The following MGAT4C variants were observed in gnomAD, a reference collection of about 807,000 sequenced individuals.
The protein encoded by MGAT4C is alpha-1,3-mannosyl-glycoprotein 4-beta-N-acetylglucosaminyltransferase C.
A neutral mutation model predicts 40.1 loss-of-function variants in MGAT4C; 19 were observed. The ratio of observed to expected loss-of-function variants is 0.47; its 90% CI spans 0.33 to 0.70. The LOEUF (loss-of-function observed/expected upper bound fraction) is 0.70. MGAT4C is among the 30% of genes least tolerant of loss of function. MGAT4C has a pLI of 0.02. For missense variants in MGAT4C, 491 were observed against 563.2 expected (o/e 0.87, Z 1.30); for synonymous variants, 181 against 187.1 (o/e 0.97, Z 0.27).
chr12:86,630,360 C>T (rs2195230), intron 2 of MGAT4C, among the ~76,000 whole-genome samples: 145,441 of 152,232 alleles, frequency 0.96, 69,720 homozygotes, highest in Non-Finnish European at 1. Flanking sequence ...CTGAAACTAT[C>T]CCAATCAACA....
chr12:86,414,090 T>C (rs1046002231), intron 3 of MGAT4C, among the ~76,000 whole-genome samples: 3 of 151,758 alleles, frequency 2.0e-5, no homozygotes, highest in African/African-American at 4.8e-5. Context: ...TGCAAGTACA[T>C]GAAAAGCAAC....
At chr12:86,764,546 C>T (rs949002691) in intron 1 of MGAT4C, among the ~76,000 whole-genome samples, 1,432 of 64,798 alleles carry the variant, frequency 0.022, 30 homozygotes, top group African/African-American at 0.071. Flanking sequence ...GATCTGAGAA[C>T]GGGCAGACTG....
intron 1 of MGAT4C, among the ~76,000 whole-genome samples, chr12:86,783,760 A>T (rs537739099): frequency 2.0e-5 from 3 of 152,128 alleles, no homozygotes; most frequent in African/African-American, 7.2e-5. Flanking sequence ...TGTGAAAAAA[A>T]TTTTTGGTAC....
At chr12:86,391,734 C>A (rs937459676) in intron 3 of MGAT4C, among the ~76,000 whole-genome samples, 1 of 152,054 alleles carries the variant, frequency 6.6e-6, no homozygotes, top group African/African-American at 2.4e-5. Context: ...GTGGCGGGTG[C>A]CTGTAGTCCC....
At chr12:86,099,341 G>C (rs1286980758) in intron 1 of MGAT4C, among the ~76,000 whole-genome samples, 1 of 150,976 alleles carries the variant, frequency 6.6e-6, no homozygotes, top group Admixed American at 6.6e-5. Flanking sequence ...TGGATTCCAT[G>C]GTTATTTTTA....
chr12:86,525,411 A>G (rs1398491070), intron 2 of MGAT4C, among the ~76,000 whole-genome samples: 2 of 152,164 alleles, frequency 1.3e-5, no homozygotes, highest in Non-Finnish European at 2.9e-5. Flanking sequence ...GTCTCAGGTC[A>G]TTCTTTATAG....
intron 3 of MGAT4C, among the ~76,000 whole-genome samples, chr12:86,343,138 T>C (rs1045648401): frequency 6.6e-6 from 1 of 152,100 alleles, no homozygotes; most frequent in African/African-American, 2.4e-5. Context: ...GCTACTTCAG[T>C]TCCAGGTAAA....
At chr12:86,569,044 G>A (rs1226006012) in intron 2 of MGAT4C, among the ~76,000 whole-genome samples, 4 of 151,862 alleles carry the variant, frequency 2.6e-5, no homozygotes, top group East Asian at 1.9e-4. Context: ...AATGGGCGGG[G>A]GGAATAAAAC....
chr12:86,179,313 T>G (rs1887854603), intron 1 of MGAT4C, among the ~76,000 whole-genome samples: 1 of 152,200 alleles, frequency 6.6e-6, no homozygotes, highest in Non-Finnish European at 1.5e-5. Context: ...AAACTTCTTT[T>G]GGTTCCCAGT....
At chr12:86,588,505 G>C (rs1961169174) in intron 2 of MGAT4C, among the ~76,000 whole-genome samples, 1 of 151,960 alleles carries the variant, frequency 6.6e-6, no homozygotes, top group Non-Finnish European at 1.5e-5. Flanking sequence ...AAGACAGAAA[G>C]TTAACAAGGA....
chr12:86,773,776 T>C (rs894414197), intron 1 of MGAT4C, among the ~76,000 whole-genome samples: 3 of 151,878 alleles, frequency 2.0e-5, no homozygotes, highest in South Asian at 2.1e-4. Context: ...AGCTCTTTCA[T>C]GGAAAGGATT....
intron 1 of MGAT4C, among the ~76,000 whole-genome samples, chr12:86,741,515 G>A (rs542425173): frequency 6.6e-6 from 1 of 151,296 alleles, no homozygotes; most frequent in African/African-American, 2.4e-5. Context: ...GAAAACCAAC[G>A]TGTTTTGTTT....
At chr12:86,838,792 A>G (rs1953092074) in exon 1 of MGAT4C, 1 of 152,226 alleles carries the variant, frequency 6.6e-6, no homozygotes, top group African/African-American at 2.4e-5. Flanking sequence ...CCAGAAGAAA[A>G]TCAGCACAAT....
At chr12:86,594,840 A>G (rs1339486177) in intron 2 of MGAT4C, among the ~76,000 whole-genome samples, 2 of 152,136 alleles carry the variant, frequency 1.3e-5, no homozygotes, top group African/African-American at 2.4e-5. Flanking sequence ...GCTTCCTGCA[A>G]TTACCTAAAG....
At chr12:86,336,851 G>A (rs997998385) in intron 3 of MGAT4C, among the ~76,000 whole-genome samples, 4 of 152,088 alleles carry the variant, frequency 2.6e-5, no homozygotes, top group African/African-American at 4.8e-5. Flanking sequence ...ATTTGTATGC[G>A]AGTTCACTTT....
At chr12:86,044,986 C>CA (rs1290516294) in intron 2 of MGAT4C, among the ~76,000 whole-genome samples, 1 of 152,090 alleles carries the variant, frequency 6.6e-6, no homozygotes, top group African/African-American at 2.4e-5. Context: ...CAATCCACCC[C>CA]TTCCCCAAGA....
chr12:86,471,176 A>G (rs538336596), intron 2 of MGAT4C, among the ~76,000 whole-genome samples: 2 of 152,222 alleles, frequency 1.3e-5, no homozygotes, highest in Non-Finnish European at 2.9e-5. Context: ...ACCTTCAGGA[A>G]TAAAGAAAGA....
intron 2 of MGAT4C, among the ~76,000 whole-genome samples, chr12:86,630,455 A>G (rs916726478): frequency 2.0e-5 from 3 of 152,240 alleles, no homozygotes; most frequent in Non-Finnish European, 2.9e-5. Flanking sequence ...ACAAAAAAAG[A>G]GAATTTTAGA....
At chr12:86,790,360 A>G (rs1952002010) in intron 1 of MGAT4C, among the ~76,000 whole-genome samples, 1 of 152,154 alleles carries the variant, frequency 6.6e-6, no homozygotes, top group Non-Finnish European at 1.5e-5. Flanking sequence ...AAGACCTAGT[A>G]TAAGGCTCTG....
Sources: gnomAD v4.1 joint callset for allele counts (sites outside exome capture counted in the v4.1 genomes callset) on GRCh38, gnomAD v4.1.1 for gene constraint, MANE v1.5 for transcripts, NCBI Gene and HGNC (gene_info 2026-07-23, HGNC 2026-07-21) for gene names.